Variants in ZC3H12B observed in about 807,000 individuals in gnomAD.
ZC3H12B encodes probable ribonuclease ZC3H12B.
ZC3H12B carries 7 observed loss-of-function variants against 43.9 expected under a neutral mutation model. The ratio of observed to expected loss-of-function variants is 0.16; its 90% CI spans 0.09 to 0.30. The LOEUF (loss-of-function observed/expected upper bound fraction) is 0.30. Ranked by LOEUF, ZC3H12B falls within the 10% of genes least tolerant of loss-of-function variation. The probability of loss-of-function intolerance (pLI) is 1.00; values close to 1 mark genes in which losing one functional copy is unlikely to be tolerated. For synonymous variants in ZC3H12B, 222 were observed against 241.7 expected (o/e 0.92, Z 0.76); for missense variants, 475 against 670.2 (o/e 0.71, Z 3.22).
chrX:65,224,592 C>T, the ZC3H12B span, among the ~76,000 whole-genome samples: 5 of 112,571 alleles, frequency 4.4e-5, no homozygotes, highest in African/African-American at 1.6e-4. Context: ...TCGGGAAGCA[C>T]AAGGGGTCGG....
At chrX:65,204,128 T>C in the ZC3H12B span, among the ~76,000 whole-genome samples, 9 of 112,409 alleles carry the variant, frequency 8.0e-5, no homozygotes, top group African/African-American at 2.9e-4. Flanking sequence ...AGCAGTGTTG[T>C]CAATTCAAAA....
the ZC3H12B span, among the ~76,000 whole-genome samples, chrX:65,223,759 C>G: frequency 9.8e-5 from 11 of 112,020 alleles, no homozygotes; most frequent in Non-Finnish European, 1.3e-4. Flanking sequence ...CAAATCAAAA[C>G]CACAATGTGA....
the ZC3H12B span, among the ~76,000 whole-genome samples, chrX:65,074,161 A>T: frequency 9.0e-6 from 1 of 111,685 alleles, no homozygotes; most frequent in South Asian, 3.7e-4. Context: ...TTTTTTCATA[A>T]GGTGCATCTA....
intron 3 of ZC3H12B, among the ~76,000 whole-genome samples, chrX:65,404,818 A>G (rs1238470411): frequency 1.8e-5 from 2 of 112,144 alleles, no homozygotes; most frequent in Admixed American, 9.4e-5. Flanking sequence ...ATCAACAAAG[A>G]AACATCAGAC....
the ZC3H12B span, among the ~76,000 whole-genome samples, chrX:65,113,212 A>G: frequency 2.7e-5 from 3 of 111,866 alleles, no homozygotes; most frequent in African/African-American, 9.7e-5. Flanking sequence ...TACAACTATA[A>G]CGGATGAAGA....
the ZC3H12B span, among the ~76,000 whole-genome samples, chrX:65,062,138 C>A: frequency 8.9e-6 from 1 of 111,929 alleles, no homozygotes; most frequent in Non-Finnish European, 1.9e-5. Flanking sequence ...ATGATAGTTT[C>A]TTTGCTGAGC....
the ZC3H12B span, among the ~76,000 whole-genome samples, chrX:65,293,628 A>G: frequency 9.0e-6 from 1 of 110,824 alleles, no homozygotes; most frequent in Admixed American, 9.7e-5. Context: ...ATGAACAGAA[A>G]AATTTCCCGA....
chrX:65,393,415 C>T (rs1395362436), intron 2 of ZC3H12B, among the ~76,000 whole-genome samples: 1 of 111,122 alleles, frequency 9.0e-6, no homozygotes, highest in Non-Finnish European at 1.9e-5. Context: ...GCACCGCATG[C>T]ATTAGGTATT....
Position 65,480,929 on chromosome X carries a change from C to T in ZC3H12B, n.408-7717C>T, listed in dbSNP as rs757338296. Among the ~76,000 whole-genome samples, 6 of 110,398 alleles carry T rather than the reference C, an allele frequency of 5.4e-5. No individual in the cohort carries two copies. The South Asian group carries it at 1.1e-3, about 21-fold the overall frequency. On this transcript the variant is annotated intron_variant and non_coding_transcript_variant, in intron 3 of 5. Transcript: ENST00000617377. ...AACGTATCACATACATAAAGGTATG[C>T]TAGGTGTTGGGATTGGGGAAAGCAA...
chrX:65,232,138 G>A, the ZC3H12B span, among the ~76,000 whole-genome samples: 1 of 111,071 alleles, frequency 9.0e-6, no homozygotes, highest in Non-Finnish European at 1.9e-5. Context: ...CTACTTGGGA[G>A]GCTGAGGCAG....
the ZC3H12B span, among the ~76,000 whole-genome samples, chrX:65,231,952 G>A: frequency 1.3e-3 from 148 of 111,467 alleles, no homozygotes; most frequent in Middle Eastern, 4.6e-3. Context: ...AGTAAGACAG[G>A]AGGTCGAGTG....
At chrX:65,336,440 T>C in the ZC3H12B span, among the ~76,000 whole-genome samples, 30 of 112,279 alleles carry the variant, frequency 2.7e-4, no homozygotes, top group Non-Finnish European at 4.5e-4. Context: ...GAAGCTAGAT[T>C]AACATTTTCC....
chrX:65,391,636 A>G (rs1244778910), intron 2 of ZC3H12B, among the ~76,000 whole-genome samples: 1 of 111,597 alleles, frequency 9.0e-6, no homozygotes, highest in Non-Finnish European at 1.9e-5. Flanking sequence ...CTAGTAGAGA[A>G]CAAAGTAGTT....
chrX:65,229,332 T>G, the ZC3H12B span, among the ~76,000 whole-genome samples: 1 of 111,436 alleles, frequency 9.0e-6, no homozygotes, highest in Admixed American at 9.6e-5. Flanking sequence ...GCTAGTCACA[T>G]GTAGAAAGCT....
chrX:65,258,303 C>A, the ZC3H12B span, among the ~76,000 whole-genome samples: 2 of 111,900 alleles, frequency 1.8e-5, no homozygotes, highest in African/African-American at 6.5e-5. Flanking sequence ...ATAAACAGAA[C>A]TGAAAACATA....
chrX:65,384,960 G>A (rs1265210386), intron 2 of ZC3H12B, among the ~76,000 whole-genome samples: 1 of 112,261 alleles, frequency 8.9e-6, no homozygotes. Flanking sequence ...GATGGTTGTA[G>A]ATGTGTGGTA....
the ZC3H12B span, among the ~76,000 whole-genome samples, chrX:65,080,901 TAAA>T: frequency 9.0e-6 from 1 of 111,179 alleles, no homozygotes; most frequent in Middle Eastern, 4.7e-3. Context: ...GAATCAATCA[TAAA>T]TAATAACTAA....
At chrX:65,400,658 T>A (rs1458473272) in intron 3 of ZC3H12B, among the ~76,000 whole-genome samples, 1 of 111,936 alleles carries the variant, frequency 8.9e-6, no homozygotes, top group Non-Finnish European at 1.9e-5. Context: ...CTTCTGCTCA[T>A]TGTTACTGAA....
the ZC3H12B span, among the ~76,000 whole-genome samples, chrX:65,349,479 T>C: frequency 9.1e-6 from 1 of 110,482 alleles, no homozygotes; most frequent in East Asian, 2.8e-4. Flanking sequence ...GCGAACAAAT[T>C]CAAAATGTAG....
Sources: allele counts gnomAD v4.1 joint callset (sites outside exome capture counted in the v4.1 genomes callset), GRCh38; gene constraint gnomAD v4.1.1; transcripts MANE v1.5; gene names NCBI Gene and HGNC (gene_info 2026-07-23, HGNC 2026-07-21).